ASAP1: variants seen among roughly 807,000 people sequenced by gnomAD.
ASAP1 encodes arf-GAP with SH3 domain, ANK repeat and PH domain-containing protein 1.
In ASAP1, 43 loss-of-function variants were observed where a neutral mutation model predicts 145.2. The ratio of observed to expected loss-of-function variants is 0.30; its 90% CI spans 0.23 to 0.38. The LOEUF (loss-of-function observed/expected upper bound fraction) is 0.38, where lower values mean the gene tolerates loss of function less well. Ranked by LOEUF, ASAP1 falls within the 10% of genes least tolerant of loss-of-function variation. The probability of loss-of-function intolerance (pLI) is 1.00; values close to 1 mark genes in which losing one functional copy is unlikely to be tolerated. For missense variants in ASAP1, 1,018 were observed against 1,355.3 expected (o/e 0.75, Z 3.91); for synonymous variants, 546 against 515.5 (o/e 1.06, Z -0.80).
intron 3 of ASAP1, among the ~76,000 whole-genome samples, chr8:130,314,045 G>A (rs1031600722): frequency 3.3e-5 from 5 of 152,172 alleles, no homozygotes; most frequent in Non-Finnish European, 5.9e-5. Context: ...TAGAAGTACT[G>A]CATGTAAATG....
intron 27 of ASAP1, among the ~76,000 whole-genome samples, chr8:130,072,806 T>TGCGCGCGCGC (rs1480286454): frequency 2.8e-5 from 1 of 35,164 alleles, no homozygotes; most frequent in African/African-American, 1.1e-4. Flanking sequence ...TGTGTGTGTG[T>TGCGCGCGCGC]GTGTGTGTGT....
intron 27 of ASAP1, among the ~76,000 whole-genome samples, chr8:130,065,234 C>T (rs1428991657): frequency 6.6e-6 from 1 of 152,114 alleles, no homozygotes; most frequent in African/African-American, 2.4e-5. Context: ...TGAACAGACA[C>T]ACAGGGCGGG....
chr8:130,098,173 T>A (rs1453077790), intron 24 of ASAP1, among the ~76,000 whole-genome samples: 1 of 152,148 alleles, frequency 6.6e-6, no homozygotes, highest in Non-Finnish European at 1.5e-5. Flanking sequence ...ACTTGGCAAG[T>A]CACAGCAAAT....
chr8:130,370,119 G>T (rs1827142751), intron 2 of ASAP1, among the ~76,000 whole-genome samples: 1 of 152,122 alleles, frequency 6.6e-6, no homozygotes, highest in Non-Finnish European at 1.5e-5. Context: ...TGGCCATCAT[G>T]GCAAAACCCC....
At chr8:130,296,956 G>A (rs1321191250) in intron 3 of ASAP1, among the ~76,000 whole-genome samples, 1 of 152,082 alleles carries the variant, frequency 6.6e-6, no homozygotes, top group East Asian at 1.9e-4. Flanking sequence ...CTAAGTGGAT[G>A]AGAGAGGTAA....
chr8:130,377,837 C>T (rs1489102725), intron 2 of ASAP1, among the ~76,000 whole-genome samples: 2 of 152,192 alleles, frequency 1.3e-5, no homozygotes, highest in African/African-American at 4.8e-5. Flanking sequence ...CCTCCTCTCT[C>T]TCACCCCTTC....
At chr8:130,088,447 T>C (rs1592771297) in intron 25 of ASAP1, among the ~76,000 whole-genome samples, 2 of 151,970 alleles carry the variant, frequency 1.3e-5, no homozygotes, top group Non-Finnish European at 1.5e-5. Flanking sequence ...CACGTACACT[T>C]ATGAGAGAGA....
intron 3 of ASAP1, among the ~76,000 whole-genome samples, chr8:130,357,473 G>A (rs376665594): frequency 6.6e-6 from 1 of 152,252 alleles, no homozygotes; most frequent in South Asian, 2.1e-4. Flanking sequence ...GAGACTAACA[G>A]GGAGGACTCC....
intron 10 of ASAP1, among the ~76,000 whole-genome samples, 176 bp downstream of exon 10, chr8:130,168,816 G>A (rs1418939957): frequency 1.3e-5 from 2 of 152,148 alleles, no homozygotes; most frequent in Non-Finnish European, 2.9e-5. Context: ...GGACTCTGGA[G>A]CATTTGACCA....
chr8:130,364,389 C>G (rs1011502749), intron 2 of ASAP1, among the ~76,000 whole-genome samples: 2 of 152,230 alleles, frequency 1.3e-5, no homozygotes, highest in Non-Finnish European at 2.9e-5. Flanking sequence ...TTAATACTTG[C>G]AGCAACAATA....
chr8:130,136,056 C>T (rs1209134485), intron 14 of ASAP1, among the ~76,000 whole-genome samples: 1 of 152,140 alleles, frequency 6.6e-6, no homozygotes, highest in Non-Finnish European at 1.5e-5. Context: ...CCTTGCTGGG[C>T]TGTGATAGAG....
intron 5 of ASAP1, among the ~76,000 whole-genome samples, chr8:130,199,367 G>A (rs1057048936): frequency 6.6e-6 from 1 of 152,192 alleles, no homozygotes; most frequent in African/African-American, 2.4e-5. Context: ...GAAACATCAA[G>A]TGTTATAGAA....
intron 9 of ASAP1, among the ~76,000 whole-genome samples, chr8:130,169,275 T>A (rs1813415219): frequency 6.6e-6 from 1 of 152,180 alleles, no homozygotes; most frequent in South Asian, 2.1e-4. Context: ...TACCAACAAA[T>A]AAATTATGGC....
intron 4 of ASAP1, among the ~76,000 whole-genome samples, chr8:130,229,973 G>A (rs985477241): frequency 1.8e-4 from 28 of 152,060 alleles, no homozygotes; most frequent in African/African-American, 6.5e-4. Context: ...GCTGAGGAGG[G>A]AGGATCACCT....
At chr8:130,083,673 CA>C (rs1286532366) in intron 25 of ASAP1, 1 of 152,222 alleles carries the variant, frequency 6.6e-6, no homozygotes, top group Non-Finnish European at 1.5e-5. Flanking sequence ...AAGCCTGACA[CA>C]AGGGTATTAT....
intron 5 of ASAP1, among the ~76,000 whole-genome samples, chr8:130,208,009 G>T (rs966902650): frequency 6.6e-6 from 1 of 152,144 alleles, no homozygotes; most frequent in African/African-American, 2.4e-5. Context: ...AAATTTTTAT[G>T]TAACAATGTA....
intron 17 of ASAP1, among the ~76,000 whole-genome samples, chr8:130,124,344 A>C (rs1281048598): frequency 1.3e-5 from 2 of 152,244 alleles, no homozygotes; most frequent in South Asian, 2.1e-4. Context: ...AGATGCTCAT[A>C]GTCTAGTGGG....
At chr8:130,268,954 G>A (rs1820430024) in intron 3 of ASAP1, among the ~76,000 whole-genome samples, 1 of 152,188 alleles carries the variant, frequency 6.6e-6, no homozygotes, top group Non-Finnish European at 1.5e-5. Flanking sequence ...ATCTGAGGGA[G>A]GAGGAGGGAG....
chr8:130,074,442 C>CAA (rs2097457317), intron 27 of ASAP1, among the ~76,000 whole-genome samples: 1 of 56,442 alleles, frequency 1.8e-5, no homozygotes, highest in African/African-American at 7.4e-5. Context: ...AAATAGTAAA[C>CAA]ACACACACAC....
Sources: gnomAD v4.1 joint callset for allele counts (sites outside exome capture counted in the v4.1 genomes callset) on GRCh38, gnomAD v4.1.1 for gene constraint, MANE v1.5 for transcripts, NCBI Gene and HGNC (gene_info 2026-07-23, HGNC 2026-07-21) for gene names.